DLGAP1: variants seen among roughly 807,000 people sequenced by gnomAD.
DLGAP1 encodes disks large-associated protein 1.
DLGAP1 carries 11 observed loss-of-function variants against 90.8 expected under a neutral mutation model. The ratio of observed to expected loss-of-function variants is 0.12; its 90% confidence interval spans 0.08 to 0.20. The LOEUF is 0.20. Ranked by LOEUF, DLGAP1 falls within the 10% of genes least tolerant of loss-of-function variation. The probability of loss-of-function intolerance (pLI) is 1.00; values close to 1 mark genes in which losing one functional copy is unlikely to be tolerated. For synonymous variants in DLGAP1, 558 were observed against 540.7 expected (o/e 1.03, Z -0.44); for missense variants, 1,050 against 1,333.8 (o/e 0.79, Z 3.31).
chr18:4,275,491 A>C (rs945779923), intron 1 of DLGAP1: 3 of 152,210 alleles, frequency 2.0e-5, no homozygotes, highest in African/African-American at 7.2e-5. Context: ...GTTGAATAAC[A>C]TTTATCATTT....
chr18:3,552,974 T>C (rs2053559834), intron 9 of DLGAP1, among the ~76,000 whole-genome samples: 1 of 152,190 alleles, frequency 6.6e-6, no homozygotes, highest in African/African-American at 2.4e-5. Flanking sequence ...TGTTTTTTTT[T>C]TTCTCTCTTG....
chr18:3,864,901 CAT>C (rs1309309476), intron 4 of DLGAP1, among the ~76,000 whole-genome samples: 2 of 151,940 alleles, frequency 1.3e-5, no homozygotes, highest in African/African-American at 4.8e-5. Context: ...TTTAGAGAAA[CAT>C]ATCTTTTCCT....
intron 7 of DLGAP1, among the ~76,000 whole-genome samples, chr18:3,671,308 T>C (rs2060082030): frequency 6.6e-6 from 1 of 152,128 alleles, no homozygotes; most frequent in South Asian, 2.1e-4. Flanking sequence ...TCTCTCTCTT[T>C]ACAGTACTTG....
At chr18:4,098,885 G>A (rs184546410) in intron 2 of DLGAP1, among the ~76,000 whole-genome samples, 130 of 152,250 alleles carry the variant, frequency 8.5e-4, no homozygotes, top group African/African-American at 3.0e-3. Context: ...AGTAAGTTGT[G>A]TAAAATCCTA....
intron 7 of DLGAP1, among the ~76,000 whole-genome samples, chr18:3,650,348 C>G (rs1293069163): frequency 6.6e-6 from 1 of 152,012 alleles, no homozygotes; most frequent in African/African-American, 2.4e-5. Flanking sequence ...CTGGTTGAAA[C>G]ATTTATATTT....
In DLGAP1 at chr18:3,910,425, ATT is replaced by A; in HGVS notation, c.-72-30287_-72-30286del. On this transcript the variant is annotated intron_variant, in intron 3 of 12. Coordinates refer to ENST00000315677, the MANE Select transcript of DLGAP1 (RefSeq NM_004746.4). ...ACAAAGCATGGAGAGTGATGTCTGG[ATT>A]TAAGGAAACAAATGAACAAGTAGTC... Among the ~76,000 whole-genome samples, 3 of 152,268 alleles carry A rather than the reference ATT, an allele frequency of 2.0e-5. No individual in the cohort carries two copies. In the East Asian group the frequency reaches 5.8e-4, roughly 29 times the overall value.
chr18:4,212,909 CATAA>C (rs1598632375), intron 1 of DLGAP1, among the ~76,000 whole-genome samples: 1 of 152,152 alleles, frequency 6.6e-6, no homozygotes, highest in South Asian at 2.1e-4. Context: ...TTAAATTTGT[CATAA>C]ATAAGAGATT....
intron 5 of DLGAP1, among the ~76,000 whole-genome samples, chr18:3,789,306 C>CAAGT (rs1214283396): frequency 5.3e-5 from 8 of 152,136 alleles, no homozygotes; most frequent in Non-Finnish European, 1.2e-4. Context: ...GAGGAAAGAA[C>CAAGT]AAGTAAGAGT....
chr18:4,250,549 A>G (rs538321079), intron 1 of DLGAP1, among the ~76,000 whole-genome samples: 2 of 152,328 alleles, frequency 1.3e-5, no homozygotes, highest in South Asian at 4.1e-4. Context: ...CAGCTCAGGA[A>G]CATTTGTTTT....
intron 7 of DLGAP1, among the ~76,000 whole-genome samples, chr18:3,615,204 G>C (rs1265034664): frequency 1.3e-5 from 2 of 152,144 alleles, no homozygotes; most frequent in African/African-American, 4.8e-5. Context: ...TTACAGGCAT[G>C]AGCCACTGTG....
intron 7 of DLGAP1, among the ~76,000 whole-genome samples, chr18:3,698,263 C>T (rs746082980): frequency 2.0e-5 from 3 of 152,162 alleles, no homozygotes; most frequent in Non-Finnish European, 4.4e-5. Flanking sequence ...TTAGTTGAAG[C>T]AGTTTCTTCA....
At chr18:3,617,607 A>AG (rs1555701709) in intron 7 of DLGAP1, among the ~76,000 whole-genome samples, 2 of 151,032 alleles carry the variant, frequency 1.3e-5, no homozygotes, top group Non-Finnish European at 3.0e-5. Flanking sequence ...AAAAAAAAAA[A>AG]TTGTTGAAAA....
At chr18:3,898,075 T>C (rs750762160) in intron 3 of DLGAP1, among the ~76,000 whole-genome samples, 1 of 152,190 alleles carries the variant, frequency 6.6e-6, no homozygotes, top group Admixed American at 6.5e-5. Context: ...ATTACAGGCG[T>C]GAGCCACTGC....
rs760567021 is a variant in DLGAP1 at position 3,879,412 on chromosome 18, C to T, written c.657G>A (p.Ser219=). ...DGDMCIYHAP[S]GVMTMGRCPD... is the part of the protein sequence containing the mutation. ...GGCACCTGCCCATGGTCATCACGCC[C>T]GAGGGGGCGTGGTAGATGCACATGT... The change falls in exon 4 of 13, where the codon TCG becomes TCA. Residue 219 remains serine, a synonymous_variant. Transcript: ENST00000315677. This position sits in a 1 kb window ranked among gnomAD's most constrained non-coding sequence, Gnocchi z 6.6. 17 of 1,611,566 alleles carry T rather than the reference C, an allele frequency of 1.1e-5. No homozygotes were observed. In the East Asian group the frequency reaches 3.3e-4, roughly 32 times the overall value.
intron 1 of DLGAP1, among the ~76,000 whole-genome samples, chr18:4,444,360 C>T (rs541676606): frequency 2.0e-5 from 3 of 152,320 alleles, no homozygotes; most frequent in Non-Finnish European, 1.5e-5. Context: ...ACAATTAAAT[C>T]TTCCTTGGGG....
At chr18:3,979,113 A>T (rs890032774) in intron 3 of DLGAP1, among the ~76,000 whole-genome samples, 5 of 152,252 alleles carry the variant, frequency 3.3e-5, no homozygotes, top group African/African-American at 9.6e-5. Context: ...ACATTATGCT[A>T]AATGAAATAA....
chr18:3,948,493 A>C (rs1185717622), intron 3 of DLGAP1, among the ~76,000 whole-genome samples: 1 of 152,222 alleles, frequency 6.6e-6, no homozygotes, highest in Non-Finnish European at 1.5e-5. Flanking sequence ...CCAGCACTGC[A>C]GATAAGTGGA....
At chr18:3,593,767 G>C (rs2056414991) in intron 7 of DLGAP1, 2 of 152,134 alleles carry the variant, frequency 1.3e-5, no homozygotes, top group South Asian at 4.1e-4. Context: ...CGCCTCTTCT[G>C]GGGAGAGCAG....
At chr18:4,245,316 T>G (rs1352404809) in intron 1 of DLGAP1, among the ~76,000 whole-genome samples, 2 of 152,230 alleles carry the variant, frequency 1.3e-5, no homozygotes, top group African/African-American at 2.4e-5. Flanking sequence ...ATCAGCATTA[T>G]GAAAACATAT....
Sources: allele counts gnomAD v4.1 joint callset (sites outside exome capture counted in the v4.1 genomes callset), GRCh38; gene constraint gnomAD v4.1.1; non-coding constraint Gnocchi (gnomAD v3.1); transcripts MANE v1.5; gene names NCBI Gene and HGNC (gene_info 2026-07-23, HGNC 2026-07-21).